Variants in PLEKHD1 observed in about 807,000 individuals in gnomAD.
PLEKHD1 encodes pleckstrin homology domain-containing family D member 1.
In PLEKHD1, 51 loss-of-function variants were observed where a neutral mutation model predicts 69.2. The observed-to-expected ratio is 0.74, with a 90% CI of 0.59 to 0.93. The LOEUF is 0.93. PLEKHD1 is among the 40% of genes least tolerant of loss of function. PLEKHD1 has a pLI of 0.00. For synonymous variants in PLEKHD1, 236 were observed against 244.7 expected (o/e 0.96, Z 0.33); for missense variants, 584 against 641.0 (o/e 0.91, Z 0.96).
At chr14:69,521,671 T>C (rs529363891) in intron 6 of PLEKHD1, among the ~76,000 whole-genome samples, 22 of 152,302 alleles carry the variant, frequency 1.4e-4, no homozygotes, top group African/African-American at 5.3e-4. Context: ...ACACTTGGGC[T>C]TCCTGGGATT....
rs1404288479 is a variant in PLEKHD1, at chr14:69,530,320, T to G, written c.*1901T>G. On this transcript the variant is annotated 3_prime_UTR_variant, in exon 13 of 13. Transcript: ENST00000322564. ...TCATACAGTCTCTGCAGAATCTAGC[T>G]GGGGAGAGGGCTGAGTCAGTTTGGA... The G allele has an allele frequency of 6.6e-6, 1 of 152,218 alleles. No homozygotes were observed. Among genetic ancestry groups the G allele is most frequent in the African/African-American group, 2.4e-5 (1 of 41,428 alleles). 9.4% of individuals were successfully genotyped at this position (152,218 alleles called of 1,614,324 possible). A position where few individuals can be genotyped will look rare whatever the true frequency, so the allele number is the denominator to read the frequency against.
Position 69,526,784 on chromosome 14 carries a change from G to A in PLEKHD1, c.1011G>A (p.Leu337=), listed in dbSNP as rs1431254125. 2.6e-6 allele frequency: 4 copies of A among 1,550,236 alleles called. No individual in the cohort carries two copies. Among genetic ancestry groups the A allele is most frequent in the African/African-American group, 1.4e-5 (1 of 73,044 alleles). ...SSQSQALQNS[L]QELTAEKQQA... Reference sequence around the variant, plus strand: ...AGTCCCAGGCACTGCAGAACTCGCTGCAGGAGCTGACGGCAGAGAAGCAGC... The same window carrying A: ...AGTCCCAGGCACTGCAGAACTCGCTACAGGAGCTGACGGCAGAGAAGCAGC... Residue 337 remains leucine, a synonymous_variant, in exon 10 of 13, where the codon CTG becomes CTA. Transcript: ENST00000322564.
At chr14:69,469,559 G>A in the PLEKHD1 span, among the ~76,000 whole-genome samples, 20 of 152,118 alleles carry the variant, frequency 1.3e-4, no homozygotes, top group East Asian at 1.4e-3. Context: ...ACAGGTGCAC[G>A]CCAGCATGCC....
the PLEKHD1 span, among the ~76,000 whole-genome samples, chr14:69,470,139 T>C: frequency 6.6e-6 from 1 of 152,084 alleles, no homozygotes; most frequent in African/African-American, 2.4e-5. Context: ...CTTTTTTTTA[T>C]GAACAAAGAA....
upstream of PLEKHD1, among the ~76,000 whole-genome samples, chr14:69,482,524 G>A (rs1047798249): frequency 6.6e-6 from 1 of 152,202 alleles, no homozygotes; most frequent in South Asian, 2.1e-4. Flanking sequence ...AGTTCTTGCT[G>A]CTGCTGTTTG....
intron 6 of PLEKHD1, among the ~76,000 whole-genome samples, chr14:69,506,640 C>T (rs1871852901): frequency 6.6e-6 from 1 of 152,226 alleles, no homozygotes; most frequent in Admixed American, 6.5e-5. Context: ...CCACATAACA[C>T]TTGTTCCCCA....
At chr14:69,519,876 G>A (rs1013793714) in intron 6 of PLEKHD1, among the ~76,000 whole-genome samples, 6 of 152,012 alleles carry the variant, frequency 3.9e-5, no homozygotes, top group Non-Finnish European at 8.8e-5. Context: ...AAAGCTGGGC[G>A]CCTGGCCGCG....
chr14:69,500,253 C>A (rs560580231), intron 2 of PLEKHD1, 45 bp downstream of exon 2: 133 of 1,417,256 alleles, frequency 9.4e-5, no homozygotes, highest in Middle Eastern at 1.7e-4. Flanking sequence ...GGGCCCAGTG[C>A]GGGCATCAGA....
chr14:69,470,283 T>C, the PLEKHD1 span, among the ~76,000 whole-genome samples: 3 of 151,468 alleles, frequency 2.0e-5, no homozygotes, highest in East Asian at 5.9e-4. Context: ...GGCAACATGG[T>C]GAAACCCCAT....
At chr14:69,508,356 A>G (rs1370217965) in intron 6 of PLEKHD1, among the ~76,000 whole-genome samples, 1 of 151,930 alleles carries the variant, frequency 6.6e-6, no homozygotes, top group African/African-American at 2.4e-5. Flanking sequence ...CAGTGAGCCG[A>G]GATTGTGCCA....
At chr14:69,489,226 A>G (rs1015281057) in intron 1 of PLEKHD1, among the ~76,000 whole-genome samples, 2 of 152,172 alleles carry the variant, frequency 1.3e-5, no homozygotes, top group African/African-American at 4.8e-5. Context: ...AAGACTTAAA[A>G]ATAACAAAGT....
At position 69,493,842 on chromosome 14, in the gene PLEKHD1, C is replaced by T. The variant is rs117440647; in HGVS notation, c.150-6273C>T. ...CCTCACCCAATGCTCCGGGCTTCAC[C>T]CCAACACATGGGGACAGAAAAGGGC... On this transcript the variant is annotated intron_variant, in intron 1 of 12. Transcript: ENST00000322564. Among the ~76,000 whole-genome samples the T allele has an allele frequency of 1.5e-3, 230 of 152,368 alleles. 1 individual carries two copies. Among genetic ancestry groups the T allele is most frequent in the Non-Finnish European group, 2.7e-3 (183 of 68,040 alleles).
At position 69,485,258 on chromosome 14, in the gene PLEKHD1, G is replaced by T. The variant is rs557054697; in HGVS notation, c.149+144G>T. On this transcript the variant is annotated intron_variant, in intron 1 of 12. Transcript: ENST00000322564. ...CCCTTTTCACTCTACACTGGCTCCC[G>T]CAGGAAAATGTGGACCATAGTCTGG... 3 of 1,060,538 alleles carry T rather than the reference G, an allele frequency of 2.8e-6. No individual in the cohort carries two copies. The East Asian group carries it at 7.9e-5, about 28-fold the overall frequency. 65.7% of individuals were successfully genotyped at this position (1,060,538 alleles called of 1,614,324 possible).
Position 69,500,166 on chromosome 14 carries a change from A to G in PLEKHD1, c.201A>G (p.Lys67=), listed in dbSNP as rs1239594032. The G allele has an allele frequency of 3.9e-6, 6 of 1,550,816 alleles. No individual in the cohort carries two copies. The East Asian group carries it at 1.2e-4, about 32-fold the overall frequency. The change falls in exon 2 of 13, where the codon AAA becomes AAG. Residue 67 remains lysine (K), a synonymous_variant. Transcript: ENST00000322564. ...TGCTTTACTACTCTGAGAGCGAAAA[A>G]AAGAGCTTTGAAACCAATAAATACT... is the stretch of plus-strand genomic sequence containing the variant. ...SFLLYYSESE[K]KSFETNKYFN...
rs1372232274 is a variant in PLEKHD1, at chr14:69,498,597, T to TCTTCTCTTCTCTTCTCTTCCCTTCC, written c.150-1499_150-1498insCCTTCCCTTCTCTTCTCTTCTCTTC. 1.1e-4 allele frequency among the ~76,000 whole-genome samples: 10 copies of TCTTCTCTTCTCTTCTCTTCCCTTCC among 94,742 alleles called. No homozygotes were observed. The South Asian group carries it at 1.6e-3, about 16-fold the overall frequency. 62.2% of individuals were successfully genotyped at this position (94,742 alleles called of 152,430 possible). A position where few individuals can be genotyped will look rare whatever the true frequency, so the allele number is the denominator to read the frequency against. ...CAAGGTTTCTTTTTGTTTTCTCTTC[T>TCTTCTCTTCTCTTCTCTTCCCTTCC]CTTCTCTTCTCTTCTCTTCTCTTCT... On this transcript the variant is annotated intron_variant, in intron 1 of 12. Transcript: ENST00000322564.
the PLEKHD1 span, among the ~76,000 whole-genome samples, chr14:69,469,431 G>A: frequency 6.6e-6 from 1 of 151,518 alleles, no homozygotes; most frequent in Non-Finnish European, 1.5e-5. Context: ...TAAGAGACAG[G>A]GTCTCTCTCG....
intron 4 of PLEKHD1, chr14:69,501,497 C>A: frequency 2.3e-6 from 1 of 431,684 alleles, no homozygotes; most frequent in Non-Finnish European, 4.1e-6. Flanking sequence ...GTGCTGTTGG[C>A]CCAGCCCCCA....
At position 69,506,891 on chromosome 14, in the gene PLEKHD1, CTTTTTT is replaced by C. The variant is rs1162412450; in HGVS notation, c.555+4035_555+4040del. ...ACTGTCCTAAAAATCCTGGCAACTG[CTTTTTT>C]TTTTTTTTTTTTTTTTTTTTTTAAA... On this transcript the variant is annotated intron_variant, in intron 6 of 12. Transcript: ENST00000322564. Among the ~76,000 whole-genome samples the C allele has an allele frequency of 5.1e-3, 401 of 78,056 alleles. 2 individuals are homozygous for C. The highest frequency in any genetic ancestry group is 0.018 in the Middle Eastern group (2 of 112). 51.2% of individuals were successfully genotyped at this position (78,056 alleles called of 152,430 possible). A position where few individuals can be genotyped will look rare whatever the true frequency, so the allele number is the denominator to read the frequency against.
chr14:69,506,878 A>C (rs1190543840), intron 6 of PLEKHD1, among the ~76,000 whole-genome samples: 1 of 143,412 alleles, frequency 7.0e-6, no homozygotes, highest in Admixed American at 6.9e-5. Context: ...TGTCCTAAAA[A>C]TCCTGGCAAC....
Sources: allele counts gnomAD v4.1 joint callset (sites outside exome capture counted in the v4.1 genomes callset), GRCh38; gene constraint gnomAD v4.1.1; transcripts MANE v1.5; gene names NCBI Gene and HGNC (gene_info 2026-07-23, HGNC 2026-07-21).